NEDD9: variants seen among roughly 807,000 people sequenced by gnomAD.
NEDD9 encodes the protein enhancer of filamentation 1.
In NEDD9, 26 loss-of-function variants were observed where a neutral mutation model predicts 76.6. That is an observed-to-expected ratio of 0.34 (90% confidence interval 0.25 to 0.47). NEDD9 has a LOEUF of 0.47. Among genes scored for constraint, NEDD9 ranks in the 20% least tolerant of loss-of-function variants. The pLI, the probability that NEDD9 is intolerant of heterozygous loss-of-function variation, is 1.00. For synonymous variants in NEDD9, 392 were observed against 414.2 expected, an observed-to-expected ratio of 0.95 and a Z score of 0.65; for missense variants, 937 against 1,058.5, an observed-to-expected ratio of 0.89 and a Z score of 1.59.
At chr6:11,208,122 G>A (rs1758664151) in intron 2 of NEDD9, among the ~76,000 whole-genome samples, 1 of 150,588 alleles carries the variant, frequency 6.6e-6, no homozygotes, top group Admixed American at 6.6e-5. Flanking sequence ...AAGTTGCAGT[G>A]AGCCGAGATG....
chr6:11,378,118 G>A (rs982343723), intron 1 of NEDD9, among the ~76,000 whole-genome samples: 3 of 152,104 alleles, frequency 2.0e-5, no homozygotes, highest in Middle Eastern at 3.2e-3. Flanking sequence ...TGGCATGCAC[G>A]TGTAATCCCA....
chr6:11,263,517 G>A (rs553941680), intron 3 of NEDD9, among the ~76,000 whole-genome samples: 1 of 152,192 alleles, frequency 6.6e-6, no homozygotes, highest in African/African-American at 2.4e-5. Flanking sequence ...TCTGTCTGGC[G>A]CATGGATGGC....
At chr6:11,289,236 C>A (rs1302028488) in intron 3 of NEDD9, among the ~76,000 whole-genome samples, 1 of 152,220 alleles carries the variant, frequency 6.6e-6, no homozygotes, top group Non-Finnish European at 1.5e-5. Context: ...AATGAAGGCA[C>A]ATGTGATTGA....
intron 3 of NEDD9, among the ~76,000 whole-genome samples, chr6:11,291,973 T>A (rs374439434): frequency 6.6e-6 from 1 of 152,182 alleles, no homozygotes. Flanking sequence ...CATTGTCATA[T>A]TTTTGCTGTG....
At chr6:11,219,102 G>A (rs191729119) in intron 1 of NEDD9, among the ~76,000 whole-genome samples, 1 of 152,266 alleles carries the variant, frequency 6.6e-6, no homozygotes, top group East Asian at 1.9e-4. Flanking sequence ...TGAGGAGTGG[G>A]AAGAAAATAC....
At chr6:11,334,967 T>C (rs1762122942) in intron 1 of NEDD9, among the ~76,000 whole-genome samples, 1 of 152,182 alleles carries the variant, frequency 6.6e-6, no homozygotes, top group East Asian at 1.9e-4. Context: ...AAGTTGACAA[T>C]GACCAATTGA....
chr6:11,232,362 T>C, intron 1 of NEDD9, 142 bp downstream of exon 1: 2 of 1,012,066 alleles, frequency 2.0e-6, no homozygotes, highest in Admixed American at 2.0e-5. Context: ...TCTGCTTGCA[T>C]GTCAACCTCA....
In NEDD9 at chr6:11,282,130, G is replaced by A. The variant is rs558340482; in HGVS notation, c.12+23862C>T. Among the ~76,000 whole-genome samples the A allele has an allele frequency of 2.0e-5, 3 of 152,296 alleles. No individual in the cohort carries two copies. The East Asian group carries it at 5.8e-4, about 29-fold the overall frequency. On this transcript the variant is annotated intron_variant, in intron 3 of 3. Transcript: ENST00000397378. ...TTTTTGGTCAAGATTTCTGGTACTT[G>A]ACCTGTAGCACAAGGTACTTTAATA...
At chr6:11,211,190 G>T (rs1423492100) in intron 2 of NEDD9, among the ~76,000 whole-genome samples, 1 of 152,188 alleles carries the variant, frequency 6.6e-6, no homozygotes, top group African/African-American at 2.4e-5. Context: ...GTGAGTGCCC[G>T]AGGGTCACCC....
chr6:11,351,959 G>T (rs1404300850), intron 1 of NEDD9, among the ~76,000 whole-genome samples: 6 of 152,208 alleles, frequency 3.9e-5, no homozygotes, highest in Non-Finnish European at 7.3e-5. Context: ...CAGTCATTGG[G>T]GAACACCAGA....
At chr6:11,212,674 A>G (rs769472790) in intron 2 of NEDD9, among the ~76,000 whole-genome samples, 1 of 152,234 alleles carries the variant, frequency 6.6e-6, no homozygotes, top group Non-Finnish European at 1.5e-5. Flanking sequence ...CATTATTATA[A>G]GAATGACTTG....
At chr6:11,193,909 G>C (rs1256420762) in intron 2 of NEDD9, among the ~76,000 whole-genome samples, 1 of 151,548 alleles carries the variant, frequency 6.6e-6, no homozygotes, top group African/African-American at 2.4e-5. Flanking sequence ...CCCCAGGCTG[G>C]AGTACAGTGG....
chr6:11,191,143 G>A lies in NEDD9; in HGVS notation c.726C>T (p.Asp242=), dbSNP rs1758134528. 4 of 1,613,926 alleles carry A rather than the reference G, an allele frequency of 2.5e-6. No homozygotes were observed. The East Asian group carries it at 8.9e-5, about 36-fold the overall frequency. Reference sequence around the variant, plus strand: ...CAGCTTGTCTCATGGGAGGGGGGAAGTCATAGTCTTTTTCCCTAAGCCCTG... The same window carrying A: ...CAGCTTGTCTCATGGGAGGGGGGAAATCATAGTCTTTTTCCCTAAGCCCTG... ...DEAGLREKDY[D]FPPPMRQAGR... The change falls in exon 5 of 7, where the codon GAC becomes GAT. Residue 242 remains aspartate, a synonymous_variant. Transcript: ENST00000379446.
intron 1 of NEDD9, among the ~76,000 whole-genome samples, chr6:11,343,104 T>A (rs1172412484): frequency 2.0e-5 from 3 of 150,478 alleles, no homozygotes; most frequent in Non-Finnish European, 4.4e-5. Flanking sequence ...AATTACACCA[T>A]GGTAACATTG....
At chr6:11,235,018 ACTT>A (rs1759570358), upstream of NEDD9, among the ~76,000 whole-genome samples, 1 of 152,102 alleles carries the variant, frequency 6.6e-6, no homozygotes, top group African/African-American at 2.4e-5. This position sits in a 1 kb window ranked among gnomAD's most constrained non-coding sequence, Gnocchi z 4.1. Flanking sequence ...GGCCAGTTGA[ACTT>A]CTTAATTTTG....
chr6:11,278,177 C>T (rs953406438), intron 3 of NEDD9, among the ~76,000 whole-genome samples: 1 of 152,226 alleles, frequency 6.6e-6, no homozygotes, highest in South Asian at 2.1e-4. Flanking sequence ...ACTCGCCAGC[C>T]TCTGGGAACC....
intron 2 of NEDD9, among the ~76,000 whole-genome samples, chr6:11,212,369 T>C (rs9461566): frequency 0.028 from 4,229 of 152,322 alleles, 148 homozygotes; most frequent in African/African-American, 0.088. Flanking sequence ...TCCACTGACA[T>C]TATTTTCCTG....
intron 2 of NEDD9, among the ~76,000 whole-genome samples, chr6:11,202,454 A>G (rs139060281): frequency 2.6e-5 from 4 of 152,344 alleles, no homozygotes; most frequent in African/African-American, 9.6e-5. Flanking sequence ...CCTTAGGAAA[A>G]GAAACATTAC....
intron 2 of NEDD9, among the ~76,000 whole-genome samples, chr6:11,212,083 T>A (rs1758800913): frequency 6.6e-6 from 1 of 152,230 alleles, no homozygotes; most frequent in Admixed American, 6.5e-5. Context: ...ATTCCCTAAT[T>A]TACAGAGGTT....
Sources: allele counts gnomAD v4.1 joint callset (sites outside exome capture counted in the v4.1 genomes callset), GRCh38; gene constraint gnomAD v4.1.1; non-coding constraint Gnocchi (gnomAD v3.1); transcripts MANE v1.5; gene names NCBI Gene and HGNC (gene_info 2026-07-23, HGNC 2026-07-21).